Variants in CALN1 observed in about 807,000 individuals in gnomAD.
CALN1 encodes calcium-binding protein 8.
In CALN1, 17 loss-of-function variants were observed where a neutral mutation model predicts 30.6. That is an observed-to-expected ratio of 0.56 (90% CI 0.38 to 0.83). The LOEUF (loss-of-function observed/expected upper bound fraction) is 0.83. Among genes scored for constraint, CALN1 ranks in the 40% least tolerant of loss-of-function variants. The pLI, the probability that CALN1 is intolerant of heterozygous loss-of-function variation, is 0.00. For missense variants in CALN1, 291 were observed against 354.9 expected, an observed-to-expected ratio of 0.82 and a Z score of 1.45; for synonymous variants, 156 against 131.4, an observed-to-expected ratio of 1.19 and a Z score of -1.28.
At chr7:72,152,764 G>GT (rs1787353695) in intron 3 of CALN1, among the ~76,000 whole-genome samples, 1 of 152,240 alleles carries the variant, frequency 6.6e-6, no homozygotes, top group Non-Finnish European at 1.5e-5. Context: ...GGTTCTAAAC[G>GT]TGACAGGAAG....
chr7:72,153,802 A>G (rs1314790456), intron 3 of CALN1, among the ~76,000 whole-genome samples: 1 of 152,212 alleles, frequency 6.6e-6, no homozygotes, highest in African/African-American at 2.4e-5. Context: ...AGTTTCTGCC[A>G]CTGGGCACTT....
At chr7:72,140,888 TG>T (rs1173606211) in intron 3 of CALN1, among the ~76,000 whole-genome samples, 1 of 152,246 alleles carries the variant, frequency 6.6e-6, no homozygotes, top group Non-Finnish European at 1.5e-5. Context: ...CCCAGGGCGC[TG>T]GGGCCTTGCT....
chr7:72,441,469 G>A (rs149663044), intron 1 of CALN1, among the ~76,000 whole-genome samples: 136 of 152,004 alleles, frequency 8.9e-4, no homozygotes, highest in African/African-American at 3.1e-3. Context: ...ATGGTGACAT[G>A]CGCCTATAAT....
chr7:72,406,729 G>A (rs1458751139), intron 1 of CALN1, among the ~76,000 whole-genome samples: 1 of 150,914 alleles, frequency 6.6e-6, no homozygotes, highest in East Asian at 2.0e-4. Context: ...CCATTCTCCT[G>A]CCTCAGCCTC....
At chr7:72,193,775 A>G (rs1790791759) in intron 3 of CALN1, among the ~76,000 whole-genome samples, 1 of 152,240 alleles carries the variant, frequency 6.6e-6, no homozygotes, top group African/African-American at 2.4e-5. Context: ...TATACTATTC[A>G]GCCATAAAAA....
intron 1 of CALN1, among the ~76,000 whole-genome samples, chr7:72,443,112 T>A (rs114915874): frequency 0.013 from 2,016 of 152,348 alleles, 36 homozygotes; most frequent in African/African-American, 0.046. Flanking sequence ...CCATGCCTCA[T>A]CACTGTCTCA....
chr7:72,263,358 C>T (rs1295073843), intron 3 of CALN1, among the ~76,000 whole-genome samples: 2 of 152,062 alleles, frequency 1.3e-5, no homozygotes, highest in South Asian at 2.1e-4. Flanking sequence ...AGGTCAAATG[C>T]CATGCATCTT....
chr7:72,035,132 G>T (rs844674), intron 4 of CALN1, among the ~76,000 whole-genome samples: 97,887 of 151,896 alleles, frequency 0.64, 31,972 homozygotes, highest in East Asian at 0.76. Flanking sequence ...AATATAAAAT[G>T]TACCATCACA....
chr7:72,410,729 G>A (rs1303961317), intron 1 of CALN1, among the ~76,000 whole-genome samples: 4 of 152,104 alleles, frequency 2.6e-5, no homozygotes, highest in Non-Finnish European at 1.5e-5. Flanking sequence ...GAAAATCAGA[G>A]TAAAATAGGG....
Position 71,859,050 on chromosome 7 carries a change from T to C in CALN1, c.502-48558A>G, listed in dbSNP as rs990344606. Among the ~76,000 whole-genome samples the C allele has an allele frequency of 3.3e-5, 5 of 152,298 alleles. No individual in the cohort carries two copies. The East Asian group carries it at 5.8e-4, about 18-fold the overall frequency. Reference sequence around the variant, plus strand: ...TAATCATTTTTCTTTTTGTCTTTTTTCTTTTTTTGTATGTTTGTTTGTTTG... The same window carrying C: ...TAATCATTTTTCTTTTTGTCTTTTTCCTTTTTTTGTATGTTTGTTTGTTTG... On this transcript the variant is annotated intron_variant, in intron 5 of 6. Coordinates refer to ENST00000395275, the MANE Select transcript of CALN1 (RefSeq NM_031468.4).
intron 2 of CALN1, among the ~76,000 whole-genome samples, chr7:72,329,441 C>G (rs530148843): frequency 5.9e-5 from 9 of 152,282 alleles, no homozygotes; most frequent in African/African-American, 1.7e-4. Context: ...GTATCAAACC[C>G]AAACTCCACA....
At chr7:71,957,176 C>T (rs539914617) in intron 5 of CALN1, among the ~76,000 whole-genome samples, 15 of 152,102 alleles carry the variant, frequency 9.9e-5, no homozygotes, top group African/African-American at 2.2e-4. Flanking sequence ...CAGCCACTCT[C>T]GGCTTTGATG....
At chr7:71,945,364 C>A (rs939491209) in intron 5 of CALN1, among the ~76,000 whole-genome samples, 7 of 152,172 alleles carry the variant, frequency 4.6e-5, no homozygotes, top group Admixed American at 6.5e-5. Context: ...ACAAGATACA[C>A]AAAACAACGC....
chr7:71,922,839 A>G (rs1795038954), intron 5 of CALN1, among the ~76,000 whole-genome samples: 1 of 136,224 alleles, frequency 7.3e-6, no homozygotes, highest in Admixed American at 7.7e-5. Flanking sequence ...ATATATAAAT[A>G]TATAATATAT....
At chr7:72,054,516 T>C (rs1308330972) in intron 4 of CALN1, among the ~76,000 whole-genome samples, 1 of 93,774 alleles carries the variant, frequency 1.1e-5, no homozygotes. Context: ...TATACATATA[T>C]ATACATATAT....
At chr7:72,207,478 AGTAGTAGTAGTAGTAAT>A (rs1791975426) in intron 3 of CALN1, among the ~76,000 whole-genome samples, 1 of 152,088 alleles carries the variant, frequency 6.6e-6, no homozygotes, top group Non-Finnish European at 1.5e-5. Flanking sequence ...TAGTAGTAGT[AGTAGTAGTAGTAGTAAT>A]ATTTGAGACA....
intron 2 of CALN1, among the ~76,000 whole-genome samples, chr7:72,374,328 A>AT (rs1255106125): frequency 6.6e-6 from 1 of 152,212 alleles, no homozygotes; most frequent in Non-Finnish European, 1.5e-5. Context: ...CAGGAGCTCA[A>AT]TCCCAGCCTG....
rs924691156 is a variant in CALN1 at position 71,783,552 on chromosome 7, C to A, written c.*4223G>T. Reference sequence around the variant, plus strand: ...ACAGATCCCAGGACATGTGACCACACGTGGCCAGGCCAGCCCAAACCAGGG... The same window carrying A: ...ACAGATCCCAGGACATGTGACCACAAGTGGCCAGGCCAGCCCAAACCAGGG... On this transcript the variant is annotated 3_prime_UTR_variant, in exon 7 of 7. Transcript: ENST00000395275. 1 of 152,500 alleles carries A rather than the reference C, an allele frequency of 6.6e-6. No homozygotes were observed. Among genetic ancestry groups the A allele is most frequent in the Non-Finnish European group, 1.5e-5 (1 of 68,082 alleles). 9.4% of individuals were successfully genotyped at this position (152,500 alleles called of 1,614,324 possible). A position where few individuals can be genotyped will look rare whatever the true frequency, so the allele number is the denominator to read the frequency against.
At chr7:72,291,642 T>A (rs1798483896) in intron 2 of CALN1, among the ~76,000 whole-genome samples, 2 of 152,338 alleles carry the variant, frequency 1.3e-5, no homozygotes, top group East Asian at 3.9e-4. Flanking sequence ...GCTACTTTGC[T>A]GGGCCAGTGT....
Sources: gnomAD v4.1 joint callset for allele counts (sites outside exome capture counted in the v4.1 genomes callset) on GRCh38, gnomAD v4.1.1 for gene constraint, MANE v1.5 for transcripts, NCBI Gene and HGNC (gene_info 2026-07-23, HGNC 2026-07-21) for gene names.